The following PRR16 variants were observed in gnomAD, a reference collection of about 807,000 sequenced individuals.
PRR16 encodes the protein proline rich 16.
A neutral mutation model predicts 18.2 loss-of-function variants in PRR16; 6 were observed. The ratio of observed to expected loss-of-function variants is 0.33; its 90% confidence interval spans 0.18 to 0.65. The LOEUF (loss-of-function observed/expected upper bound fraction) is 0.65. Among genes scored for constraint, PRR16 ranks in the 30% least tolerant of loss-of-function variants. The pLI is 0.74. For missense variants in PRR16, 412 were observed against 376.6 expected, an observed-to-expected ratio of 1.09 and a Z score of -0.78; for synonymous variants, 151 against 147.8, an observed-to-expected ratio of 1.02 and a Z score of -0.16.
At chr5:120,782,186 G>A in the PRR16 span, among the ~76,000 whole-genome samples, 2 of 152,228 alleles carry the variant, frequency 1.3e-5, no homozygotes, top group African/African-American at 4.8e-5. Flanking sequence ...TTTGGAGTGG[G>A]ACAGATTAAA....
chr5:120,778,118 A>C, the PRR16 span, among the ~76,000 whole-genome samples: 1 of 152,240 alleles, frequency 6.6e-6, no homozygotes. Context: ...ATTAATTACA[A>C]GTTTAATGGC....
chr5:120,722,919 C>G, the PRR16 span, among the ~76,000 whole-genome samples: 91 of 151,116 alleles, frequency 6.0e-4, 1 homozygote, highest in Non-Finnish European at 1.0e-3. Context: ...AAGTATCTAT[C>G]TCTATATTTA....
At chr5:120,616,681 G>A (rs1253714005) in intron 1 of PRR16, among the ~76,000 whole-genome samples, 1 of 152,070 alleles carries the variant, frequency 6.6e-6, no homozygotes, top group Admixed American at 6.6e-5. Context: ...CTTAGAGCTG[G>A]TCCTAATATG....
chr5:120,500,458 A>C (rs1750409162), intron 1 of PRR16, among the ~76,000 whole-genome samples: 1 of 152,226 alleles, frequency 6.6e-6, no homozygotes, highest in Admixed American at 6.5e-5. Context: ...GATTACATTT[A>C]GTGCGTCTGT....
intron 1 of PRR16, among the ~76,000 whole-genome samples, chr5:120,663,831 AG>A (rs1301432681): frequency 2.0e-5 from 3 of 152,198 alleles, no homozygotes; most frequent in African/African-American, 7.2e-5. Context: ...AACTTGTAAT[AG>A]AAAGTTCCTC....
At chr5:120,703,552 C>T in the PRR16 span, among the ~76,000 whole-genome samples, 5 of 152,202 alleles carry the variant, frequency 3.3e-5, no homozygotes, top group East Asian at 7.7e-4. Context: ...ATACAGCTGC[C>T]ATCCCAATAT....
intron 1 of PRR16, among the ~76,000 whole-genome samples, chr5:120,516,045 C>T (rs1288428409): frequency 1.3e-5 from 2 of 152,134 alleles, no homozygotes; most frequent in Non-Finnish European, 2.9e-5. Context: ...CTTTTTAGTA[C>T]AACTGCTTCC....
At position 120,610,026 on chromosome 5, in the gene PRR16, T is replaced by C. The variant is rs1754284528; in HGVS notation, c.160-75928T>C. Among the ~76,000 whole-genome samples the C allele has an allele frequency of 2.0e-5, 3 of 152,226 alleles. No homozygotes were observed. The South Asian group carries it at 6.2e-4, about 32-fold the overall frequency. On this transcript the variant is annotated intron_variant, in intron 1 of 1. Transcript: ENST00000407149. The stretch of plus-strand genomic sequence containing the variant: ...CAGTCCTGCCACAGTCTAATCCCAG[T>C]TTTGTGTGGCACCCTTCACGGGCCC...
At chr5:120,647,489 A>G (rs1470937415) in intron 1 of PRR16, among the ~76,000 whole-genome samples, 2 of 152,064 alleles carry the variant, frequency 1.3e-5, no homozygotes, top group African/African-American at 2.4e-5. Flanking sequence ...AGTTAATCAC[A>G]TATAACAAAA....
chr5:120,497,739 C>T (rs10052263), intron 1 of PRR16, among the ~76,000 whole-genome samples: 44,752 of 151,412 alleles, frequency 0.3, 7,707 homozygotes, highest in African/African-American at 0.48. Flanking sequence ...AAATGAACAT[C>T]ATATAATGAT....
chr5:120,546,669 A>AT (rs925471027), intron 1 of PRR16, among the ~76,000 whole-genome samples: 10 of 151,540 alleles, frequency 6.6e-5, no homozygotes, highest in South Asian at 2.1e-4. Flanking sequence ...TCAGCTAGAG[A>AT]TTTTTTTTTC....
At chr5:120,702,293 G>A in the PRR16 span, among the ~76,000 whole-genome samples, 2 of 151,268 alleles carry the variant, frequency 1.3e-5, no homozygotes, top group African/African-American at 2.4e-5. Flanking sequence ...ATAAGGGATT[G>A]GGGCGCCGAG....
At chr5:120,560,293 T>C (rs113944415) in intron 1 of PRR16, among the ~76,000 whole-genome samples, 3 of 152,014 alleles carry the variant, frequency 2.0e-5, no homozygotes, top group Non-Finnish European at 2.9e-5. Flanking sequence ...TGGCTTTTAT[T>C]ATGTTGAGAT....
chr5:120,604,156 T>G, intron 1 of PRR16, among the ~76,000 whole-genome samples: 1 of 152,088 alleles, frequency 6.6e-6, no homozygotes, highest in Non-Finnish European at 1.5e-5. Context: ...CAGTGGAGTT[T>G]GAAGTCTCCC....
the PRR16 span, among the ~76,000 whole-genome samples, chr5:120,732,554 A>G: frequency 1.3e-5 from 2 of 152,218 alleles, no homozygotes; most frequent in African/African-American, 2.4e-5. Flanking sequence ...AGCAGAAACT[A>G]TAACTATGTT....
chr5:120,671,902 C>A (rs1408283239), intron 1 of PRR16, among the ~76,000 whole-genome samples: 1 of 152,108 alleles, frequency 6.6e-6, no homozygotes, highest in South Asian at 2.1e-4. Flanking sequence ...AGTTTATAAT[C>A]AAGCACAAAA....
the PRR16 span, among the ~76,000 whole-genome samples, chr5:120,777,044 C>T: frequency 1.3e-5 from 2 of 151,962 alleles, no homozygotes; most frequent in South Asian, 2.1e-4. Context: ...AAAACAACAA[C>T]AACAACTTCT....
the PRR16 span, among the ~76,000 whole-genome samples, chr5:120,791,479 G>T: frequency 3.3e-5 from 5 of 151,282 alleles, no homozygotes; most frequent in African/African-American, 1.2e-4. Context: ...TCTAAGTTTT[G>T]TTTCTGGAAT....
chr5:120,586,741 G>C (rs914716013), intron 1 of PRR16, among the ~76,000 whole-genome samples: 6 of 151,990 alleles, frequency 3.9e-5, no homozygotes, highest in African/African-American at 1.2e-4. Flanking sequence ...GGTCCTCTCT[G>C]TTCCCTAAGA....
Sources: allele counts gnomAD v4.1 joint callset (sites outside exome capture counted in the v4.1 genomes callset), GRCh38; gene constraint gnomAD v4.1.1; transcripts MANE v1.5; gene names NCBI Gene and HGNC (gene_info 2026-07-23, HGNC 2026-07-21).